The following EPB41L1 variants were observed in gnomAD, a reference collection of about 807,000 sequenced individuals.
EPB41L1 encodes band 4.1-like protein 1.
EPB41L1 carries 29 observed loss-of-function variants against 97.8 expected under a neutral mutation model. That is an observed-to-expected ratio of 0.30 (90% confidence interval 0.22 to 0.40). EPB41L1 has a LOEUF of 0.40. Among genes scored for constraint, EPB41L1 ranks in the 10% least tolerant of loss-of-function variants. The pLI is 1.00. For missense variants in EPB41L1, 812 were observed against 1,162.3 expected, an observed-to-expected ratio of 0.70 and a Z score of 4.38; for synonymous variants, 383 against 459.2, an observed-to-expected ratio of 0.83 and a Z score of 2.12.
intron 19 of EPB41L1, among the ~76,000 whole-genome samples, chr20:36,221,040 C>T (rs1268905655): frequency 1.3e-5 from 2 of 152,230 alleles, no homozygotes; most frequent in African/African-American, 4.8e-5. Context: ...GTTGACTTCT[C>T]TGAAAGCTTT....
intron 2 of EPB41L1, among the ~76,000 whole-genome samples, chr20:36,139,150 G>T (rs559542270): frequency 6.6e-6 from 1 of 152,202 alleles, no homozygotes; most frequent in Non-Finnish European, 1.5e-5. Flanking sequence ...GTACAGGGAC[G>T]CTGTACCCCC....
chr20:36,101,911 A>C (rs994605059), intron 1 of EPB41L1, among the ~76,000 whole-genome samples: 8 of 152,084 alleles, frequency 5.3e-5, no homozygotes, highest in African/African-American at 9.7e-5. Context: ...AAGATGAGGC[A>C]GGAGAATCGC....
At chr20:36,143,833 C>A (rs543607589) in intron 2 of EPB41L1, among the ~76,000 whole-genome samples, 2 of 144,618 alleles carry the variant, frequency 1.4e-5, no homozygotes, top group Admixed American at 1.4e-4. Flanking sequence ...AAAAGGTTTT[C>A]TTTTTCTTTT....
In EPB41L1 at chr20:36,209,485, T is replaced by C. The variant is rs1373771801; in HGVS notation, c.1669-3T>C. 1 of 1,612,254 alleles carries C rather than the reference T, an allele frequency of 6.2e-7. No homozygotes were observed. The highest frequency in any genetic ancestry group is 1.3e-5 in the African/African-American group (1 of 74,678). ...CCATTCTTTTGATTTTATCTGGCCA[T>C]AGAGAGCAGGGCTGAGGGAGGGCTC... is the stretch of plus-strand genomic sequence containing the variant. On this transcript the variant is annotated splice_region_variant and splice_polypyrimidine_tract_variant and intron_variant, in intron 14 of 21. Coordinates refer to ENST00000338074, the MANE Select transcript of EPB41L1 (RefSeq NM_012156.2). The surrounding 1 kb of genome is among the most constrained non-coding windows in gnomAD (Gnocchi z 4.2).
intron 8 of EPB41L1, 44 bp downstream of exon 8, chr20:36,187,807 C>A: frequency 6.4e-7 from 1 of 1,563,936 alleles, no homozygotes. Context: ...GGGTGGTGCC[C>A]CCAAAGAACT....
At position 36,210,726 on chromosome 20, in the gene EPB41L1, C is replaced by T. The variant is rs116797255; in HGVS notation, c.2079+828C>T. 7.8e-3 allele frequency among the ~76,000 whole-genome samples: 1,184 copies of T among 152,234 alleles called. 19 individuals are homozygous for T. The highest frequency in any genetic ancestry group is 0.027 in the African/African-American group (1,124 of 41,520). ...TCCTGACCACCCTGGGCAGAAATAT[C>T]GCCCCCCTACCCCCTTGCCCTGTAA... On this transcript the variant is annotated intron_variant, in intron 15 of 21. Coordinates refer to ENST00000338074, the MANE Select transcript of EPB41L1 (RefSeq NM_012156.2).
chr20:36,157,882 G>T (rs1460217761), intron 1 of EPB41L1, among the ~76,000 whole-genome samples: 4 of 152,236 alleles, frequency 2.6e-5, no homozygotes, highest in Non-Finnish European at 4.4e-5. Flanking sequence ...GCTGAGCCTT[G>T]GTGGATGGGT....
intron 17 of EPB41L1, among the ~76,000 whole-genome samples, chr20:36,217,855 A>G (rs1222138969): frequency 6.6e-6 from 1 of 152,150 alleles, no homozygotes; most frequent in Non-Finnish European, 1.5e-5. Context: ...CTTGGTAGGC[A>G]GAAGTCCAGA....
At chr20:36,099,735 A>AAAG (rs2057949451) in intron 1 of EPB41L1, among the ~76,000 whole-genome samples, 1 of 152,140 alleles carries the variant, frequency 6.6e-6, no homozygotes, top group Non-Finnish European at 1.5e-5. Context: ...TGACACCCGC[A>AAAG]AAGTCACACA....
chr20:36,162,982 T>A (rs2060592914), intron 1 of EPB41L1, among the ~76,000 whole-genome samples: 1 of 152,226 alleles, frequency 6.6e-6, no homozygotes, highest in Non-Finnish European at 1.5e-5. Flanking sequence ...TCTCTCAGCC[T>A]GTACCCTCCA....
At chr20:36,178,433 G>A (rs1268360562) in intron 4 of EPB41L1, among the ~76,000 whole-genome samples, 197 bp from the exon 5 acceptor site, 1 of 152,058 alleles carries the variant, frequency 6.6e-6, no homozygotes, top group Non-Finnish European at 1.5e-5. Context: ...CGGGCACTGG[G>A]TCCAAGCCTG....
At chr20:36,223,107 A>G (rs2063889923) in intron 21 of EPB41L1, among the ~76,000 whole-genome samples, 1 of 152,224 alleles carries the variant, frequency 6.6e-6, no homozygotes, top group Non-Finnish European at 1.5e-5. Flanking sequence ...CGTGTTAGCC[A>G]GGATAGTCTC....
rs1470416819 is a variant in EPB41L1, at chr20:36,207,745, T to C, written c.1669-1743T>C. 2 of 1,289,820 alleles carry C rather than the reference T, an allele frequency of 1.6e-6. No individual in the cohort carries two copies. The highest frequency in any genetic ancestry group is 1.5e-5 in the African/African-American group (1 of 66,002). The allele number at this position is 1,289,820 out of a possible 1,614,324, so 79.9% of individuals were successfully genotyped here. ...AGAGCCCGTGTCCCCCAATTCAGGC[T>C]GTGAAACCACGCTGGCAGAAGCTAC... On this transcript the variant is annotated intron_variant, in intron 14 of 21. Transcript: ENST00000338074. The surrounding 1 kb of genome is among the most constrained non-coding windows in gnomAD (Gnocchi z 4.9).
In EPB41L1 at chr20:36,175,449, G is replaced by C; in HGVS notation, c.178-102G>C. Reference sequence around the variant, plus strand: ...CAGACGGTAGCGACTTTCATTCTGGGGTCTGTCTTGGCCCCAGATGCCTCT... The same window carrying C: ...CAGACGGTAGCGACTTTCATTCTGGCGTCTGTCTTGGCCCCAGATGCCTCT... On this transcript the variant is annotated intron_variant, in intron 2 of 21. Coordinates refer to ENST00000338074, the MANE Select transcript of EPB41L1 (RefSeq NM_012156.2). 3.6e-6 allele frequency: 5 copies of C among 1,388,896 alleles called. No homozygotes were observed. In the South Asian group the frequency reaches 5.8e-5, roughly 16 times the overall value. 86.0% of individuals were successfully genotyped at this position (1,388,896 alleles called of 1,614,324 possible).
At chr20:36,127,548 C>T (rs1250732818) in intron 2 of EPB41L1, among the ~76,000 whole-genome samples, 1 of 152,174 alleles carries the variant, frequency 6.6e-6, no homozygotes, top group African/African-American at 2.4e-5. Flanking sequence ...CAGCATCTGC[C>T]CCAGGCCTTT....
chr20:36,176,080 TA>T (rs1465121674), intron 3 of EPB41L1, among the ~76,000 whole-genome samples: 1 of 152,170 alleles, frequency 6.6e-6, no homozygotes, highest in African/African-American at 2.4e-5. Flanking sequence ...GAATCATTTT[TA>T]TATACTGGGT....
At chr20:36,203,885 G>A (rs533474192) in intron 14 of EPB41L1, among the ~76,000 whole-genome samples, 1 of 152,252 alleles carries the variant, frequency 6.6e-6, no homozygotes, top group East Asian at 1.9e-4. Context: ...GCTCTCTTGA[G>A]CCTTCAAAAT....
chr20:36,198,595 A>C (rs1035499318), intron 14 of EPB41L1, among the ~76,000 whole-genome samples: 1 of 152,220 alleles, frequency 6.6e-6, no homozygotes, highest in African/African-American at 2.4e-5. Flanking sequence ...AGGCTTCAGA[A>C]AAGGATCTCA....
At chr20:36,126,844 A>G (rs1229566758) in intron 2 of EPB41L1, among the ~76,000 whole-genome samples, 1 of 152,216 alleles carries the variant, frequency 6.6e-6, no homozygotes, top group East Asian at 1.9e-4. Context: ...AATTTTCCTT[A>G]TGGATGGGAA....
Sources: allele counts gnomAD v4.1 joint callset (sites outside exome capture counted in the v4.1 genomes callset), GRCh38; gene constraint gnomAD v4.1.1; non-coding constraint Gnocchi (gnomAD v3.1); transcripts MANE v1.5; gene names NCBI Gene and HGNC (gene_info 2026-07-23, HGNC 2026-07-21).